Variants in SNRNP200 observed in about 807,000 individuals in gnomAD.
The protein encoded by SNRNP200 is small nuclear ribonucleoprotein U5 subunit 200.
Under a neutral mutation model 255.2 loss-of-function variants are expected in SNRNP200, and 66 were observed. The ratio of observed to expected loss-of-function variants is 0.26; its 90% CI spans 0.21 to 0.32. The LOEUF (loss-of-function observed/expected upper bound fraction) is 0.32. Among genes scored for constraint, SNRNP200 ranks in the 10% least tolerant of loss-of-function variants. SNRNP200 has a pLI of 1.00. For synonymous variants in SNRNP200, 939 were observed against 1,027.8 expected (o/e 0.91, Z 1.65); for missense variants, 1,585 against 2,749.8 (o/e 0.58, Z 9.47).
intron 23 of SNRNP200, 126 bp downstream of exon 23, chr2:96,288,911 G>A (rs2063866776): frequency 3.8e-6 from 4 of 1,062,930 alleles, no homozygotes; most frequent in Non-Finnish European, 5.7e-6. Flanking sequence ...ATGCGAGAAG[G>A]CTGCAAAAAC....
At position 96,288,704 on chromosome 2, in the gene SNRNP200, C is replaced by A; in HGVS notation, c.3217G>T (p.Glu1073Ter). ...ATGTCAGCCATCAGTGCAAAGCCCT[C>A]CAATTTCAGCTGTGAGATGAAGGCT... ...LQAFISQLKL[E>*]GFALMADMVY... Residue 1073 changes from glutamate to a stop codon, truncating the protein, a stop_gained, in exon 24 of 45, where the codon GAG becomes TAG. Coordinates refer to ENST00000323853, the MANE Select transcript of SNRNP200 (RefSeq NM_014014.5). LOFTEE classifies it high-confidence loss of function. 1 of 1,614,068 alleles carries A rather than the reference C, an allele frequency of 6.2e-7. No individual in the cohort carries two copies. The highest frequency in any genetic ancestry group is 8.5e-7 in the Non-Finnish European group (1 of 1,180,020).
chr2:96,298,145 T>C, intron 9 of SNRNP200, 139 bp downstream of exon 9: 1 of 1,213,908 alleles, frequency 8.2e-7, no homozygotes, highest in East Asian at 2.3e-5. Flanking sequence ...GATTCTAACC[T>C]GTATGCACTG....
chr2:96,296,992 T>C lies in SNRNP200; in HGVS notation c.1456A>G (p.Ser486Gly). 1 of 1,614,228 alleles carries C rather than the reference T, an allele frequency of 6.2e-7. No homozygotes were observed. The highest frequency in any genetic ancestry group is 8.5e-7 in the Non-Finnish European group (1 of 1,180,036). ...EGFKTLNRIQSKLYRAALETD... is the reference protein window; with the variant it reads ...EGFKTLNRIQGKLYRAALETD... ...TCAAGGGCAGCACGGTAGAGCTTAC[T>C]CTGGATCCGATTCAGTGTTTTGAAG... Residue 486 changes from serine (S) to glycine (G), a missense_variant, in exon 12 of 45, where the codon AGT becomes GGT. Ser to Gly is a moderately conservative substitution (Grantham distance 56). Around this residue, in one of 9 missense-constraint regions of SNRNP200, gnomAD observed 383 missense variants for 645.3 expected, o/e 0.59. Transcript: ENST00000323853.
In SNRNP200 at chr2:96,293,105, C is replaced by G. The variant is rs1221627076; in HGVS notation, c.2037-10G>C. 6.2e-7 allele frequency: 1 copy of G among 1,614,098 alleles called. No individual in the cohort carries two copies. Among genetic ancestry groups the G allele is most frequent in the South Asian group, 1.1e-5 (1 of 91,050 alleles). On this transcript the variant is annotated splice_polypyrimidine_tract_variant and intron_variant, in intron 15 of 44. Coordinates refer to ENST00000323853, the MANE Select transcript of SNRNP200 (RefSeq NM_014014.5). ...AGGCACTGGACGGAAGCTAGAAGTTCAACAGTTAGACAAATGAGGCTTTGG... is the reference window on the plus strand; with the variant it reads ...AGGCACTGGACGGAAGCTAGAAGTTGAACAGTTAGACAAATGAGGCTTTGG...
intron 1 of SNRNP200, 99 bp downstream of exon 1, chr2:96,305,294 T>A: frequency 6.8e-7 from 1 of 1,472,950 alleles, no homozygotes; most frequent in Non-Finnish European, 9.5e-7. Flanking sequence ...TTCGTTTTCG[T>A]GGCTCTCCTG....
In SNRNP200 at chr2:96,300,878, C is replaced by T. The variant is rs1478220493; in HGVS notation, c.630+120G>A. 4 of 836,346 alleles carry T rather than the reference C, an allele frequency of 4.8e-6. No homozygotes were observed. The Admixed American group carries it at 7.6e-5, about 16-fold the overall frequency. 51.8% of individuals were successfully genotyped at this position (836,346 alleles called of 1,614,324 possible). On this transcript the variant is annotated intron_variant, in intron 5 of 44. Transcript: ENST00000323853. ...GAACATATAATGCCCAAGTCTGAAA[C>T]CCATACAACACCATAAAATTTATCT...
At chr2:96,305,334 A>G (rs2063980915) in intron 1 of SNRNP200, 59 bp downstream of exon 1, 1 of 1,605,014 alleles carries the variant, frequency 6.2e-7, no homozygotes, top group Non-Finnish European at 8.5e-7. Flanking sequence ...TCCCTTTTTC[A>G]GCCTCCCCCT....
At chr2:96,299,271 G>A (rs1337702928) in intron 6 of SNRNP200, 58 bp downstream of exon 6, 1 of 1,479,290 alleles carries the variant, frequency 6.8e-7, no homozygotes, top group Non-Finnish European at 9.4e-7. Flanking sequence ...GCATGGGGAA[G>A]AAGCACTAAC....
Position 96,303,284 on chromosome 2 carries a change from C to T in SNRNP200, c.256G>A (p.Gly86Ser). 6.2e-7 allele frequency: 1 copy of T among 1,614,170 alleles called. No individual in the cohort carries two copies. The highest frequency in any genetic ancestry group is 8.5e-7 in the Non-Finnish European group (1 of 1,180,034). Residue 86 changes from glycine (G) to serine (S), a missense_variant, in exon 3 of 45, where the codon GGT becomes AGT. By Grantham distance (56) the Gly-to-Ser change is moderately conservative (BLOSUM62 0). Around this residue, in one of 9 missense-constraint regions of SNRNP200, gnomAD observed 383 missense variants for 645.3 expected, o/e 0.59. Coordinates refer to ENST00000323853, the MANE Select transcript of SNRNP200 (RefSeq NM_014014.5). Reference sequence around the variant, plus strand: ...ATGCCCTCCGACAGCAGAGTATAACCCTTCATCTTGTTGATGTCATGCCGG... The same window carrying T: ...ATGCCCTCCGACAGCAGAGTATAACTCTTCATCTTGTTGATGTCATGCCGG... ...EDRHDINKMK[G>S]YTLLSEGIDE...
rs758696794 is a variant in SNRNP200, at chr2:96,298,833, T to C, written c.864A>G (p.Glu288=). ...DAIVSQKKAD[E]VLEILKTASD... ...GCCATACCTTCAAAATCTCCAATAC[T>C]TCATCTGCCTTCTTCTGCGACACGA... The change falls in exon 7 of 45, where the codon GAA becomes GAG. Residue 288 remains glutamate, a synonymous_variant. Coordinates refer to ENST00000323853, the MANE Select transcript of SNRNP200 (RefSeq NM_014014.5). 2 of 1,614,176 alleles carry C rather than the reference T, an allele frequency of 1.2e-6. No individual in the cohort carries two copies. The highest frequency in any genetic ancestry group is 8.5e-7 in the Non-Finnish European group (1 of 1,180,042).
intron 5 of SNRNP200, 97 bp downstream of exon 5, chr2:96,300,901 T>A (rs1343954990): frequency 9.7e-7 from 1 of 1,025,772 alleles, no homozygotes; most frequent in East Asian, 2.4e-5. Flanking sequence ...ATAAAATTTA[T>A]CTGGTTTAAA....
Position 96,297,796 on chromosome 2 carries a change from T to A in SNRNP200, c.1120-76A>T, listed in dbSNP as rs1275001726. 5.3e-6 allele frequency: 8 copies of A among 1,502,932 alleles called. No homozygotes were observed. In the Admixed American group the frequency reaches 1.0e-4, roughly 19 times the overall value. The allele number at this position is 1,502,932 out of a possible 1,614,324, so 93.1% of individuals were successfully genotyped here. A position where few individuals can be genotyped will look rare whatever the true frequency, so the allele number is the denominator to read the frequency against. ...GTTCTTGTCCTTTTCTGCCCCTGCT[T>A]AGCTAATACTTGAGTCACAGGTGCT... On this transcript the variant is annotated intron_variant, in intron 9 of 44. Transcript: ENST00000323853.
rs1326648143 is a variant in SNRNP200 at position 96,283,955 on chromosome 2, A to G, written c.4442T>C (p.Ile1481Thr). The G allele has an allele frequency of 4.5e-6, 7 of 1,569,660 alleles. No homozygotes were observed. Among genetic ancestry groups the G allele is most frequent in the Non-Finnish European group, 5.2e-6 (6 of 1,154,530 alleles). ...TGCCACAATGCGAATGGGCCGCTCA[A>G]TCTGGGAGGAGATGTAGCGCATTCG... is the stretch of plus-strand genomic sequence containing the variant. ...CSRMRYISSQIERPIRIVALS... is the reference protein window; with the variant it reads ...CSRMRYISSQTERPIRIVALS... Residue 1481 changes from isoleucine (I) to threonine (T), a missense_variant, in exon 32 of 45, where the codon ATT becomes ACT. By Grantham distance (89) the Ile-to-Thr change is moderately conservative. This residue lies in a region of SNRNP200 where 719 missense variants were observed against 1,091.1 expected (regional missense o/e 0.66). Coordinates refer to ENST00000323853, the MANE Select transcript of SNRNP200 (RefSeq NM_014014.5). The surrounding 1 kb of genome is among the most constrained non-coding windows in gnomAD (Gnocchi z 4.7).
chr2:96,283,590 G>C lies in SNRNP200; in HGVS notation c.4708C>G (p.Arg1570Gly), dbSNP rs201501591. 2 of 1,614,018 alleles carry C rather than the reference G, an allele frequency of 1.2e-6. No homozygotes were observed. Among genetic ancestry groups the C allele is most frequent in the South Asian group, 2.2e-5 (2 of 91,092 alleles). ...IVFVPSRKQT[R>G]LTAIDILTTC... ...GTGAGGATGTCAATGGCAGTGAGGCGGGTCTGCTTGCGAGACGGCACAAAG... is the reference window on the plus strand; with the variant it reads ...GTGAGGATGTCAATGGCAGTGAGGCCGGTCTGCTTGCGAGACGGCACAAAG... The change falls in exon 33 of 45, where the codon CGC (arginine) becomes GGC (glycine). Residue 1570 changes from arginine to glycine, a missense_variant. By Grantham distance (125) the Arg-to-Gly change is moderately radical. Coordinates refer to ENST00000323853, the MANE Select transcript of SNRNP200 (RefSeq NM_014014.5). The surrounding 1 kb of genome is among the most constrained non-coding windows in gnomAD (Gnocchi z 4.7).
chr2:96,276,905 T>C lies in SNRNP200; in HGVS notation c.6173A>G (p.Gln2058Arg). The C allele has an allele frequency of 6.2e-7, 1 of 1,614,104 alleles. No homozygotes were observed. Among genetic ancestry groups the C allele is most frequent in the Non-Finnish European group, 8.5e-7 (1 of 1,180,018 alleles). ...ACCAAGCCAGCTACCAGGACGCACCTGCGGGAAGAGAGGCGCAATGACAGG... is the reference window on the plus strand; with the variant it reads ...ACCAAGCCAGCTACCAGGACGCACCCGCGGGAAGAGAGGCGCAATGACAGG... Reference protein sequence around the residue: ...TGPVIAPLFPQKREEGWWVVI... With the variant: ...TGPVIAPLFPRKREEGWWVVI... Residue 2058 changes from glutamine to arginine, a missense_variant and splice_region_variant, in exon 43 of 45, where the codon CAG becomes CGG. This residue lies in a region of SNRNP200 where 279 missense variants were observed against 551.2 expected (regional missense o/e 0.51). Coordinates refer to ENST00000323853, the MANE Select transcript of SNRNP200 (RefSeq NM_014014.5).
At chr2:96,282,717 G>A (rs559261312) in intron 34 of SNRNP200, 10 of 281,402 alleles carry the variant, frequency 3.6e-5, no homozygotes, top group Admixed American at 4.9e-5. Flanking sequence ...CCTGACTCCT[G>A]CCATATAAGA....
Position 96,278,063 on chromosome 2 carries a change from A to C in SNRNP200, c.5611-113T>G, listed in dbSNP as rs1047249468. Reference sequence around the variant, plus strand: ...ACACAGCCCTTCAACACCCTGAGGCATGTGGGTGGTAATGGGATGGAGATG... The same window carrying C: ...ACACAGCCCTTCAACACCCTGAGGCCTGTGGGTGGTAATGGGATGGAGATG... On this transcript the variant is annotated intron_variant, in intron 39 of 44. Coordinates refer to ENST00000323853, the MANE Select transcript of SNRNP200 (RefSeq NM_014014.5). This position sits in a 1 kb window ranked among gnomAD's most constrained non-coding sequence, Gnocchi z 6.9. The C allele has an allele frequency of 1.4e-5, 22 of 1,538,268 alleles. No individual in the cohort carries two copies. In the Middle Eastern group the frequency reaches 5.0e-4, roughly 35 times the overall value.
Position 96,286,896 on chromosome 2 carries a change from G to A in SNRNP200, c.3640-19C>T. ...CATGCACCTGCCAACAGGAGCAAGG[G>A]TAAAAGGAATGTGAGTCAACGTAGA... On this transcript the variant is annotated intron_variant, in intron 27 of 44. Transcript: ENST00000323853. This position sits in a 1 kb window ranked among gnomAD's most constrained non-coding sequence, Gnocchi z 4.8. The A allele has an allele frequency of 8.1e-6, 13 of 1,614,166 alleles. No homozygotes were observed. Among genetic ancestry groups the A allele is most frequent in the Non-Finnish European group, 1.0e-5 (12 of 1,180,024 alleles).
chr2:96,277,847 C>G lies in SNRNP200; in HGVS notation c.5714G>C (p.Ser1905Thr), dbSNP rs761965246. The G allele has an allele frequency of 1.2e-6, 2 of 1,614,264 alleles. No individual in the cohort carries two copies. The highest frequency in any genetic ancestry group is 2.2e-5 in the East Asian group (1 of 44,896). The change falls in exon 40 of 45, where the codon AGT becomes ACT. Residue 1905 changes from serine to threonine, a missense_variant. Ser to Thr is a moderately conservative substitution (Grantham distance 58). Transcript: ENST00000323853. The surrounding 1 kb of genome is among the most constrained non-coding windows in gnomAD (Gnocchi z 4.4). ...LQAHLSRMQL[S>T]AELQSDTEEI... ...CTCCGTATCTGACTGCAACTCAGCA[C>G]TCAGCTGCATGCGAGACAAGTGAGC...
Sources: gnomAD v4.1 joint callset for allele counts on GRCh38, gnomAD v4.1.1 for gene constraint, gnomAD v4.1.1 regional missense constraint, Gnocchi (gnomAD v3.1) non-coding constraint, MANE v1.5 for transcripts, NCBI Gene and HGNC (gene_info 2026-07-23, HGNC 2026-07-21) for gene names.